The following CENPW variants were observed in gnomAD, a reference collection of about 807,000 sequenced individuals.
CENPW encodes the protein cancer-up-regulated gene 2 protein.
In CENPW, 3 loss-of-function variants were observed where a neutral mutation model predicts 11.1. The ratio of observed to expected loss-of-function variants is 0.27; its 90% CI spans 0.12 to 0.70. CENPW has a LOEUF of 0.70. Ranked by LOEUF, CENPW falls within the 30% of genes least tolerant of loss-of-function variation. The probability of loss-of-function intolerance (pLI) is 0.77; values close to 1 mark genes in which losing one functional copy is unlikely to be tolerated. For synonymous variants in CENPW, 38 were observed against 42.0 expected, an observed-to-expected ratio of 0.91 and a Z score of 0.37; for missense variants, 100 against 105.6, an observed-to-expected ratio of 0.95 and a Z score of 0.23.
chr6:126,403,298 A>G, the CENPW span, among the ~76,000 whole-genome samples: 1 of 152,172 alleles, frequency 6.6e-6, no homozygotes, highest in Admixed American at 6.6e-5. Flanking sequence ...ATCAAAAGCT[A>G]GAAATGATTA....
chr6:126,346,175 A>G, intron 1 of CENPW, 30 bp from the exon 2 acceptor site: 1 of 1,367,366 alleles, frequency 7.3e-7, no homozygotes, highest in Non-Finnish European at 1.0e-6. Context: ...ATTTGAGCTT[A>G]AAAATCCACT....
chr6:126,413,671 AC>A, the CENPW span, among the ~76,000 whole-genome samples: 1 of 151,982 alleles, frequency 6.6e-6, no homozygotes, highest in Admixed American at 6.5e-5. Flanking sequence ...GAACAGATAC[AC>A]AAAAGAAAAG....
At chr6:126,357,620 T>A in the CENPW span, among the ~76,000 whole-genome samples, 1 of 152,118 alleles carries the variant, frequency 6.6e-6, no homozygotes, top group Non-Finnish European at 1.5e-5. Context: ...TTTTTTTTTT[T>A]TCTTTTGAGA....
the CENPW span, among the ~76,000 whole-genome samples, chr6:126,365,775 A>G: frequency 6.6e-6 from 1 of 152,254 alleles, no homozygotes; most frequent in Non-Finnish European, 1.5e-5. Context: ...TGGTAAAGCA[A>G]GAAAAGCACA....
At chr6:126,340,511 T>C in intron 1 of CENPW, 112 bp downstream of exon 1, 1 of 1,488,076 alleles carries the variant, frequency 6.7e-7, no homozygotes, top group Non-Finnish European at 9.3e-7. Context: ...TTCAGGCCCC[T>C]GTTTAAGGCA....
At chr6:126,412,331 T>C in the CENPW span, among the ~76,000 whole-genome samples, 3 of 151,834 alleles carry the variant, frequency 2.0e-5, no homozygotes, top group Non-Finnish European at 4.4e-5. Flanking sequence ...TTTAGAGTCT[T>C]GTTTTACAGG....
At chr6:126,470,759 G>C in the CENPW span, among the ~76,000 whole-genome samples, 1 of 152,250 alleles carries the variant, frequency 6.6e-6, no homozygotes, top group Non-Finnish European at 1.5e-5. Context: ...CATGTCCTGG[G>C]TGTGAGACAT....
At chr6:126,447,234 C>T in the CENPW span, among the ~76,000 whole-genome samples, 2,190 of 151,234 alleles carry the variant, frequency 0.014, 46 homozygotes, top group African/African-American at 0.05. Context: ...TGTGATACTG[C>T]AAGTTGTCTT....
At chr6:126,467,239 A>G in the CENPW span, among the ~76,000 whole-genome samples, 1 of 152,294 alleles carries the variant, frequency 6.6e-6, no homozygotes, top group East Asian at 1.9e-4. Flanking sequence ...CAGACTTCCA[A>G]CTATACTACA....
the CENPW span, among the ~76,000 whole-genome samples, chr6:126,356,198 C>G: frequency 6.6e-6 from 1 of 152,120 alleles, no homozygotes; most frequent in African/African-American, 2.4e-5. Context: ...TAATATCCTA[C>G]TATTTGGATG....
At chr6:126,442,431 AC>A in the CENPW span, among the ~76,000 whole-genome samples, 1 of 151,328 alleles carries the variant, frequency 6.6e-6, no homozygotes, top group Non-Finnish European at 1.5e-5. Context: ...TAAACAGACA[AC>A]TCACAGAGTG....
At chr6:126,358,539 G>A in the CENPW span, among the ~76,000 whole-genome samples, 4 of 152,148 alleles carry the variant, frequency 2.6e-5, no homozygotes, top group African/African-American at 9.7e-5. Context: ...AGTCAGTGTT[G>A]CATCCCAGGA....
At chr6:126,382,960 G>A in the CENPW span, among the ~76,000 whole-genome samples, 1 of 152,090 alleles carries the variant, frequency 6.6e-6, no homozygotes, top group Non-Finnish European at 1.5e-5. Context: ...TTCACAAGAA[G>A]ATTATCCCCA....
chr6:126,410,686 T>A, the CENPW span, among the ~76,000 whole-genome samples: 1 of 151,924 alleles, frequency 6.6e-6, no homozygotes, highest in South Asian at 2.1e-4. Context: ...CTTACCTTAC[T>A]CTTTTTCATT....
At chr6:126,473,521 C>T in the CENPW span, among the ~76,000 whole-genome samples, 1 of 151,980 alleles carries the variant, frequency 6.6e-6, no homozygotes, top group Non-Finnish European at 1.5e-5. Context: ...CATCTGTGGT[C>T]AGGAGTTCAA....
At chr6:126,425,540 A>C in the CENPW span, among the ~76,000 whole-genome samples, 2 of 152,108 alleles carry the variant, frequency 1.3e-5, no homozygotes, top group African/African-American at 4.8e-5. Context: ...TTTTGGCCAA[A>C]GACTCTTATG....
the CENPW span, among the ~76,000 whole-genome samples, chr6:126,360,665 G>A: frequency 6.6e-6 from 1 of 151,170 alleles, no homozygotes; most frequent in Non-Finnish European, 1.5e-5. Context: ...TGAAGAACTG[G>A]TCTTCAAGCT....
the CENPW span, among the ~76,000 whole-genome samples, chr6:126,397,373 G>A: frequency 6.6e-6 from 1 of 152,138 alleles, no homozygotes; most frequent in African/African-American, 2.4e-5. Flanking sequence ...AGGACTCTGT[G>A]TTCTTCCTCC....
the CENPW span, among the ~76,000 whole-genome samples, chr6:126,364,882 A>G: frequency 1.3e-5 from 2 of 152,204 alleles, no homozygotes; most frequent in Admixed American, 1.3e-4. Context: ...CCCTGTTTGC[A>G]TAATAGTTAA....
Sources: allele counts gnomAD v4.1 joint callset (sites outside exome capture counted in the v4.1 genomes callset), GRCh38; gene constraint gnomAD v4.1.1; transcripts MANE v1.5; gene names NCBI Gene and HGNC (gene_info 2026-07-23, HGNC 2026-07-21).